The following CLUAP1 variants were observed in gnomAD, a reference collection of about 807,000 sequenced individuals.
CLUAP1 encodes intraflagellar transport 38, also known as clusterin-associated protein 1.
In CLUAP1, 50 loss-of-function variants were observed where a neutral mutation model predicts 55.0. The observed-to-expected ratio is 0.91, with a 90% CI of 0.72 to 1.15. The LOEUF is 1.15. Ranked by LOEUF, CLUAP1 falls within the 50% of genes most tolerant of loss-of-function variation. CLUAP1 has a pLI of 0.00. For synonymous variants in CLUAP1, 195 were observed against 175.4 expected (o/e 1.11, Z -0.88); for missense variants, 530 against 507.6 (o/e 1.04, Z -0.42).
rs1393447574 is a variant in CLUAP1, at chr16:3,538,331, C to T, written c.*2060C>T. The T allele has an allele frequency of 6.9e-6, 1 of 145,730 alleles. No individual in the cohort carries two copies. The highest frequency in any genetic ancestry group is 1.5e-5 in the Non-Finnish European group (1 of 65,942). 9.0% of individuals were successfully genotyped at this position (145,730 alleles called of 1,614,324 possible). Reference sequence around the variant, plus strand: ...AAGATTACCCCTAAAAAAAAAAAAACAGCCAGTATTCAGTGAATTCACCAG... The same window carrying T: ...AAGATTACCCCTAAAAAAAAAAAAATAGCCAGTATTCAGTGAATTCACCAG... On this transcript the variant is annotated 3_prime_UTR_variant, in exon 12 of 12. Transcript: ENST00000576634.
upstream of CLUAP1, among the ~76,000 whole-genome samples, chr16:3,497,789 AATTTTTTAATTTATTTTC>A (rs1275409632): frequency 6.6e-6 from 1 of 152,028 alleles, no homozygotes; most frequent in Non-Finnish European, 1.5e-5. Context: ...AGGCCTGGCT[AATTTTTTAATTTATTTTC>A]ATTTTTTAAT....
intron 5 of CLUAP1, 112 bp downstream of exon 5, chr16:3,512,590 G>A (rs2037651090): frequency 2.5e-6 from 2 of 789,276 alleles, no homozygotes; most frequent in South Asian, 3.4e-5. Context: ...CTGGTTGAAT[G>A]AGCTAATGTG....
At chr16:3,507,629 C>G (rs995507968) in intron 3 of CLUAP1, among the ~76,000 whole-genome samples, 1 of 151,378 alleles carries the variant, frequency 6.6e-6, no homozygotes, top group Non-Finnish European at 1.5e-5. Context: ...CCTATCTGCC[C>G]TGGGCCAAGT....
intron 2 of CLUAP1, among the ~76,000 whole-genome samples, chr16:3,505,111 C>T (rs534934991): frequency 6.6e-6 from 1 of 152,312 alleles, no homozygotes; most frequent in African/African-American, 2.4e-5. Flanking sequence ...GGGTGGTACA[C>T]ACTCATAGTT....
rs2037505210 is a variant in CLUAP1, at chr16:3,506,318, C to A, written c.135-13C>A. ...GGTTAACCCGTGCTCTCTCCTCTTA[C>A]CTCTCTTGATAGATATGAGCCCCAG... On this transcript the variant is annotated splice_polypyrimidine_tract_variant and intron_variant, in intron 2 of 11. Coordinates refer to ENST00000576634, the MANE Select transcript of CLUAP1 (RefSeq NM_015041.3). 1 of 1,609,178 alleles carries A rather than the reference C, an allele frequency of 6.2e-7. No individual in the cohort carries two copies.
At chr16:3,512,749 C>T (rs1465660789) in intron 5 of CLUAP1, among the ~76,000 whole-genome samples, 2 of 152,130 alleles carry the variant, frequency 1.3e-5, no homozygotes, top group Non-Finnish European at 2.9e-5. Context: ...GGCGCAATCT[C>T]GTCTCACTGC....
chr16:3,519,181 G>T (rs2037785881), intron 6 of CLUAP1, among the ~76,000 whole-genome samples: 1 of 152,212 alleles, frequency 6.6e-6, no homozygotes, highest in South Asian at 2.1e-4. Context: ...AGGGAGACTT[G>T]TGTCACCGTC....
chr16:3,510,199 G>A (rs1335068338), intron 4 of CLUAP1, among the ~76,000 whole-genome samples: 1 of 152,070 alleles, frequency 6.6e-6, no homozygotes, highest in Admixed American at 6.6e-5. Flanking sequence ...TCTCCATGTT[G>A]GTCAGGCTAG....
chr16:3,527,601 G>C (rs1018647020), intron 9 of CLUAP1, among the ~76,000 whole-genome samples: 52 of 152,190 alleles, frequency 3.4e-4, no homozygotes, highest in African/African-American at 1.0e-3. Flanking sequence ...TGGAGGGCCT[G>C]ACATCAGTCA....
intron 9 of CLUAP1, among the ~76,000 whole-genome samples, chr16:3,529,417 A>AT (rs1347281850): frequency 2.5e-4 from 20 of 78,746 alleles, no homozygotes; most frequent in Non-Finnish European, 4.3e-4. Context: ...TATGTCATAT[A>AT]TATTATTATA....
intron 6 of CLUAP1, 104 bp from the exon 7 acceptor site, chr16:3,519,799 G>C: frequency 8.7e-7 from 1 of 1,154,676 alleles, no homozygotes; most frequent in South Asian, 1.9e-5. Flanking sequence ...TTTTGTGTTT[G>C]TTGAGCATAA....
rs1274485203 is a variant in CLUAP1 at position 3,529,715 on chromosome 16, ATAT to A, written c.929-849_929-847del. On this transcript the variant is annotated intron_variant, in intron 9 of 11. Transcript: ENST00000576634. ...TATATTATATATTATATATTATATA[ATAT>A]TATATATTATATATATTATTATATA... 2.1e-3 allele frequency among the ~76,000 whole-genome samples: 50 copies of A among 23,448 alleles called. 1 individual carries two copies. Among genetic ancestry groups the A allele is most frequent in the African/African-American group, 9.1e-3 (35 of 3,838 alleles). The allele number at this position is 23,448 out of a possible 152,430, so 15.4% of individuals were successfully genotyped here. A position where few individuals can be genotyped will look rare whatever the true frequency, so the allele number is the denominator to read the frequency against.
chr16:3,516,644 A>G (rs1392418778), intron 6 of CLUAP1, among the ~76,000 whole-genome samples: 14 of 152,246 alleles, frequency 9.2e-5, no homozygotes, highest in Admixed American at 9.2e-4. Context: ...ATAGATAGGT[A>G]TAGGAATAAA....
chr16:3,526,410 A>T lies in CLUAP1; in HGVS notation c.856-2A>T. ...CCTGAGTCTGTATTTCCTCTTCCAC[A>T]GGAAGCTAAAAACACTCTCTGCCTG... On this transcript the variant is annotated splice_acceptor_variant, in intron 8 of 11. Transcript: ENST00000576634. LOFTEE classifies it high-confidence loss of function. 6.3e-7 allele frequency: 1 copy of T among 1,599,184 alleles called. No homozygotes were observed. Among genetic ancestry groups the T allele is most frequent in the East Asian group, 2.3e-5 (1 of 44,340 alleles).
intron 6 of CLUAP1, among the ~76,000 whole-genome samples, chr16:3,518,589 T>G (rs1056766732): frequency 1.3e-5 from 2 of 152,222 alleles, no homozygotes; most frequent in South Asian, 2.1e-4. Flanking sequence ...TGACTTTGGT[T>G]CGAGGAAACA....
Position 3,519,942 on chromosome 16 carries a change from G to T in CLUAP1, c.619G>T (p.Ala207Ser), listed in dbSNP as rs1251899764. 1 of 1,613,210 alleles carries T rather than the reference G, an allele frequency of 6.2e-7. No individual in the cohort carries two copies. Among genetic ancestry groups the T allele is most frequent in the South Asian group, 1.1e-5 (1 of 90,834 alleles). ...GACTAAAGACCTGCTCAATAATGTG[G>T]CCTCTGATGAAGCTAATTTAGAAGC... ...QKTKDLLNNV[A>S]SDEANLEAKI... Residue 207 changes from alanine (A) to serine (S), a missense_variant, in exon 7 of 12, where the codon GCC becomes TCC. Physicochemically the swap from Ala to Ser is moderately conservative, Grantham distance 99 (BLOSUM62 1). Coordinates refer to ENST00000576634, the MANE Select transcript of CLUAP1 (RefSeq NM_015041.3).
intron 9 of CLUAP1, 85 bp from the exon 10 acceptor site, chr16:3,530,483 T>G: frequency 1.1e-6 from 1 of 906,876 alleles, no homozygotes; most frequent in Middle Eastern, 2.1e-4. Flanking sequence ...ACAAATGACT[T>G]TTGCACACAG....
chr16:3,520,701 A>T (rs1359408896), intron 7 of CLUAP1, among the ~76,000 whole-genome samples: 1 of 152,120 alleles, frequency 6.6e-6, no homozygotes, highest in Non-Finnish European at 1.5e-5. Flanking sequence ...AGAAACAGAA[A>T]CATACTCCTG....
At chr16:3,520,098 C>CGT (rs1313079507) in intron 7 of CLUAP1, 62 bp downstream of exon 7, 5 of 1,474,354 alleles carry the variant, frequency 3.4e-6, no homozygotes, top group Admixed American at 2.1e-5. Flanking sequence ...ACAAACTGGG[C>CGT]GTGGTGGCTC....
Sources: gnomAD v4.1 joint callset for allele counts (sites outside exome capture counted in the v4.1 genomes callset) on GRCh38, gnomAD v4.1.1 for gene constraint, MANE v1.5 for transcripts, NCBI Gene and HGNC (gene_info 2026-07-23, HGNC 2026-07-21) for gene names.